DGKE: variants seen among roughly 807,000 people sequenced by gnomAD.
DGKE encodes diacylglycerol kinase epsilon.
In DGKE, 53 loss-of-function variants were observed where a neutral mutation model predicts 70.0. The observed-to-expected ratio is 0.76, with a 90% CI of 0.61 to 0.95. The LOEUF (loss-of-function observed/expected upper bound fraction) is 0.95. Ranked by LOEUF, DGKE falls within the 40% of genes least tolerant of loss-of-function variation. DGKE has a pLI of 0.00. For synonymous variants in DGKE, 291 were observed against 257.0 expected, an observed-to-expected ratio of 1.13 and a Z score of -1.27; for missense variants, 655 against 706.9, an observed-to-expected ratio of 0.93 and a Z score of 0.83.
rs1272143279 is a variant in DGKE at position 56,834,968 on chromosome 17, G to A, written c.173G>A (p.Ser58Asn). The A allele has an allele frequency of 7.4e-6, 12 of 1,613,072 alleles. No individual in the cohort carries two copies. In the South Asian group the frequency reaches 1.2e-4, roughly 16 times the overall value. ...QLHRRDIFRK[S>N]KHGWRDTDLF... ...CACCGCAGGGACATCTTCCGCAAGA[G>A]CAAGCACGGGTGGCGCGACACGGAC... Residue 58 changes from serine to asparagine, a missense_variant, in exon 2 of 12, where the codon AGC becomes AAC. Coordinates refer to ENST00000284061, the MANE Select transcript of DGKE (RefSeq NM_003647.3).
At chr17:56,860,860 T>C (rs1039111971) in intron 9 of DGKE, among the ~76,000 whole-genome samples, 1 of 152,102 alleles carries the variant, frequency 6.6e-6, no homozygotes, top group Non-Finnish European at 1.5e-5. Flanking sequence ...GCGCTGAGGC[T>C]AGAGAGATGG....
chr17:56,845,659 A>G (rs757597168), intron 3 of DGKE, 31 bp from the exon 4 acceptor site: 1 of 1,592,646 alleles, frequency 6.3e-7, no homozygotes, highest in Non-Finnish European at 8.5e-7. Context: ...TTAAGATACT[A>G]AACCTTTTCA....
At position 56,842,340 on chromosome 17, in the gene DGKE, AC is replaced by A. The variant is rs543087990; in HGVS notation, c.465-1678del. Among the ~76,000 whole-genome samples, 272 of 152,332 alleles carry A rather than the reference AC, an allele frequency of 1.8e-3. 2 individuals are homozygous for A. Among genetic ancestry groups the A allele is most frequent in the Admixed American group, 0.013 (201 of 15,304 alleles). On this transcript the variant is annotated intron_variant, in intron 2 of 11. Transcript: ENST00000284061. ...ATCTCAAGGAATACATACAAAAAAAACATAGCCTAAAAACTTAATATTCTTC... is the reference window on the plus strand; with the variant it reads ...ATCTCAAGGAATACATACAAAAAAAAATAGCCTAAAAACTTAATATTCTTC...
At chr17:56,856,782 T>C (rs989660683) in intron 8 of DGKE, 157 bp downstream of exon 8, 1 of 555,204 alleles carries the variant, frequency 1.8e-6, no homozygotes, top group African/African-American at 2.1e-5. Context: ...AGATCTTTTT[T>C]TTTTTTAATT....
chr17:56,849,232 G>GGTATGTT lies in DGKE; in HGVS notation c.1098+3_1098+9dup, dbSNP rs1185268596. 1 of 1,609,754 alleles carries GGTATGTT rather than the reference G, an allele frequency of 6.2e-7. No individual in the cohort carries two copies. The highest frequency in any genetic ancestry group is 1.7e-5 in the Admixed American group (1 of 58,794). Reference sequence around the variant, plus strand: ...GATACTACAACTTAAGAAAACCCAAGGTATGTTGTTAGTGCCTCAGTTGCA... The same window carrying GGTATGTT: ...GATACTACAACTTAAGAAAACCCAAGGTATGTTGTATGTTGTTAGTGCCTCAGTTGCA... On this transcript the variant is annotated frameshift_variant and splice_region_variant. Coordinates refer to ENST00000284061, the MANE Select transcript of DGKE (RefSeq NM_003647.3). LOFTEE classifies it high-confidence loss of function.
Position 56,834,940 on chromosome 17 carries a change from C to A in DGKE, c.145C>A (p.Leu49Met). 6.2e-7 allele frequency: 1 copy of A among 1,613,324 alleles called. No individual in the cohort carries two copies. The highest frequency in any genetic ancestry group is 8.5e-7 in the Non-Finnish European group (1 of 1,179,926). Reference protein sequence around the residue: ...WCSLQRSRRQLHRRDIFRKSK... With the variant: ...WCSLQRSRRQMHRRDIFRKSK... ...TAGCCTCCAGCGGTCGCGCCGGCAG[C>A]TGCACCGCAGGGACATCTTCCGCAA... The change falls in exon 2 of 12, where the codon CTG becomes ATG. Residue 49 changes from leucine to methionine, a missense_variant. By Grantham distance (15) the Leu-to-Met change is conservative (BLOSUM62 2). Coordinates refer to ENST00000284061, the MANE Select transcript of DGKE (RefSeq NM_003647.3).
At position 56,869,542 on chromosome 17, in the gene DGKE, T is replaced by G. The variant is rs1908666149; in HGVS notation, c.*6751T>G. On this transcript the variant is annotated 3_prime_UTR_variant, in exon 12 of 12. Coordinates refer to ENST00000284061, the MANE Select transcript of DGKE (RefSeq NM_003647.3). ...ACCTGGAAATCCATTTTTATAAAAT[T>G]TTTGTAATAAAAATTCACTTGATCA... The G allele has an allele frequency of 6.8e-6, 1 of 146,800 alleles. No homozygotes were observed. Among genetic ancestry groups the G allele is most frequent in the African/African-American group, 2.8e-5 (1 of 36,290 alleles). The allele number at this position is 146,800 out of a possible 1,614,324, so 9.1% of individuals were successfully genotyped here.
intron 8 of DGKE, among the ~76,000 whole-genome samples, chr17:56,858,124 C>T (rs760798143): frequency 1.3e-5 from 2 of 151,696 alleles, no homozygotes; most frequent in East Asian, 1.9e-4. Context: ...CCACATTTCC[C>T]CTGAGAAAGA....
At chr17:56,842,355 T>C (rs1598022247) in intron 2 of DGKE, among the ~76,000 whole-genome samples, 1 of 152,334 alleles carries the variant, frequency 6.6e-6, no homozygotes, top group Admixed American at 6.5e-5. Flanking sequence ...GCCTAAAAAC[T>C]TAATATTCTT....
chr17:56,861,820 G>C lies in DGKE; in HGVS notation c.1314G>C (p.Leu438=), dbSNP rs770769532. The C allele has an allele frequency of 2.5e-6, 4 of 1,613,032 alleles. No individual in the cohort carries two copies. The highest frequency in any genetic ancestry group is 1.3e-5 in the African/African-American group (1 of 74,822). Residue 438 remains leucine, a synonymous_variant, in exon 10 of 12, where the codon CTG becomes CTC. Transcript: ENST00000284061. ...ELELDGERVA[L]PSLEGIIVLN... ...AACTGGATGGTGAGCGAGTAGCACTGCCCAGCTTGGAAGGTATTATAGTTC... is the reference window on the plus strand; with the variant it reads ...AACTGGATGGTGAGCGAGTAGCACTCCCCAGCTTGGAAGGTATTATAGTTC...
chr17:56,841,855 A>G (rs927181684), intron 2 of DGKE, among the ~76,000 whole-genome samples: 5 of 152,170 alleles, frequency 3.3e-5, no homozygotes, highest in Non-Finnish European at 7.3e-5. Context: ...TCTCACTCTG[A>G]TGCCCAGGCT....
rs114550294 is a variant in DGKE at position 56,850,957 on chromosome 17, G to A, written c.1098+1725G>A. ...TGAGAAGATTCAGAGGAAGTGATAC[G>A]GGAGTTGGTCCTTAAAAAAAGCAAA... is the stretch of plus-strand genomic sequence containing the variant. On this transcript the variant is annotated intron_variant, in intron 7 of 11. Transcript: ENST00000284061. Among the ~76,000 whole-genome samples, 579 of 152,272 alleles carry A rather than the reference G, an allele frequency of 3.8e-3. 5 individuals carry two copies. Among genetic ancestry groups the A allele is most frequent in the African/African-American group, 0.012 (491 of 41,538 alleles).
At chr17:56,839,632 C>T (rs947653137) in intron 2 of DGKE, among the ~76,000 whole-genome samples, 14 of 152,166 alleles carry the variant, frequency 9.2e-5, no homozygotes, top group African/African-American at 3.1e-4. Context: ...AATCCTCCCA[C>T]CTCAGCCTTC....
At chr17:56,857,007 A>T (rs989595748) in intron 8 of DGKE, among the ~76,000 whole-genome samples, 1 of 152,280 alleles carries the variant, frequency 6.6e-6, no homozygotes, top group African/African-American at 2.4e-5. Flanking sequence ...CTGAGGTAGG[A>T]GAATCTCTTG....
chr17:56,848,612 T>A, intron 5 of DGKE, 84 bp from the exon 6 acceptor site: 1 of 1,361,704 alleles, frequency 7.3e-7, no homozygotes, highest in Non-Finnish European at 1.0e-6. Flanking sequence ...TCCTTACTGT[T>A]TTGGTCTTAT....
chr17:56,864,006 T>C lies in DGKE; in HGVS notation c.*1215T>C, dbSNP rs1435948573. ...TCTTATTCTTCACAAATATTCCTCA[T>C]TGTATTGAAAAATGAAGGAGGGCAT... On this transcript the variant is annotated 3_prime_UTR_variant, in exon 12 of 12. Coordinates refer to ENST00000284061, the MANE Select transcript of DGKE (RefSeq NM_003647.3). 1 of 152,216 alleles carries C rather than the reference T, an allele frequency of 6.6e-6. No individual in the cohort carries two copies. The highest frequency in any genetic ancestry group is 2.4e-5 in the African/African-American group (1 of 41,450). 9.4% of individuals were successfully genotyped at this position (152,216 alleles called of 1,614,324 possible).
In DGKE at chr17:56,861,865, C is replaced by T. The variant is rs762030121; in HGVS notation, c.1359C>T (p.Gly453=). ...TAGTTCTGAACATCGGATACTGGGG[C>T]GGTGGCTGCAGACTATGGGAAGGGA... The part of the protein sequence containing the change: ...GIIVLNIGYW[G]GGCRLWEGMG... Residue 453 remains glycine, a synonymous_variant, in exon 10 of 12, where the codon GGC becomes GGT. Transcript: ENST00000284061. 1.8e-5 allele frequency: 29 copies of T among 1,613,664 alleles called. No homozygotes were observed. In the Admixed American group the frequency reaches 2.8e-4, roughly 16 times the overall value.
At chr17:56,836,416 G>C (rs563640762) in intron 2 of DGKE, 1 of 152,182 alleles carries the variant, frequency 6.6e-6, no homozygotes, top group Admixed American at 6.5e-5. Context: ...TGTCCTTCTG[G>C]CATCAGTGAG....
At chr17:56,839,880 G>A (rs1906859964) in intron 2 of DGKE, among the ~76,000 whole-genome samples, 1 of 151,096 alleles carries the variant, frequency 6.6e-6, no homozygotes, top group Non-Finnish European at 1.5e-5. Context: ...TATTATCTTG[G>A]TTAAAATAAT....
Sources: allele counts gnomAD v4.1 joint callset (sites outside exome capture counted in the v4.1 genomes callset), GRCh38; gene constraint gnomAD v4.1.1; transcripts MANE v1.5; gene names NCBI Gene and HGNC (gene_info 2026-07-23, HGNC 2026-07-21).